The following ALG12 variants were observed in gnomAD, a reference collection of about 807,000 sequenced individuals.
The protein encoded by ALG12 is ALG12 alpha-1,6-mannosyltransferase.
Under a neutral mutation model 46.0 loss-of-function variants are expected in ALG12, and 36 were observed. The observed-to-expected ratio is 0.78, with a 90% CI of 0.60 to 1.03. ALG12 has a LOEUF of 1.03. Among genes scored for constraint, ALG12 ranks in the 50% least tolerant of loss-of-function variants. The pLI is 0.00. For synonymous variants in ALG12, 326 were observed against 291.6 expected, an observed-to-expected ratio of 1.12 and a Z score of -1.20; for missense variants, 599 against 633.5, an observed-to-expected ratio of 0.95 and a Z score of 0.58.
chr22:49,887,381 G>A, the ALG12 span: 8 of 482,844 alleles, frequency 1.7e-5, no homozygotes, highest in Middle Eastern at 5.6e-4. Flanking sequence ...TTATTAAGAC[G>A]TCCACTAGAA....
chr22:49,888,120 CTTAGTG>C, the ALG12 span: 1 of 167,098 alleles, frequency 6.0e-6, no homozygotes, highest in Non-Finnish European at 1.5e-5. Flanking sequence ...TAAGAATAGC[CTTAGTG>C]TTTAGATTTT....
chr22:49,885,264 C>G, the ALG12 span: 1 of 1,599,178 alleles, frequency 6.3e-7, no homozygotes. Flanking sequence ...CAGAAAGTTC[C>G]TCTTCCAAAT....
chr22:49,863,863 A>G, the ALG12 span, among the ~76,000 whole-genome samples: 1 of 152,224 alleles, frequency 6.6e-6, no homozygotes, highest in Non-Finnish European at 1.5e-5. Context: ...TTGGTGAACT[A>G]ATGAATTTAA....
chr22:49,875,705 G>T, the ALG12 span, among the ~76,000 whole-genome samples: 2 of 151,812 alleles, frequency 1.3e-5, no homozygotes, highest in Admixed American at 6.6e-5. Context: ...ACAGGCGTGA[G>T]TCACCCCGCC....
At chr22:49,884,580 C>T in the ALG12 span, 7 of 1,612,240 alleles carry the variant, frequency 4.3e-6, no homozygotes, top group Admixed American at 3.3e-5. Context: ...AAGCTGTCTG[C>T]ATTCACTGCA....
intron 3 of ALG12, among the ~76,000 whole-genome samples, chr22:49,912,504 C>A (rs950937942): frequency 1.3e-5 from 2 of 152,184 alleles, no homozygotes; most frequent in Admixed American, 6.5e-5. Context: ...AGGACATGCA[C>A]GGCTTGTCCA....
At chr22:49,916,453 C>A (rs537331528) in intron 1 of ALG12, among the ~76,000 whole-genome samples, 1 of 151,788 alleles carries the variant, frequency 6.6e-6, no homozygotes, top group Non-Finnish European at 1.5e-5. Context: ...TGGTGGTGTG[C>A]GCCTGTAATC....
At position 49,907,800 on chromosome 22, in the gene ALG12, G is replaced by A; in HGVS notation, c.913C>T (p.Leu305=). The change falls in exon 7 of 10, where the codon CTG becomes TTG. Residue 305 remains leucine (L), a synonymous_variant. Transcript: ENST00000330817. The part of the protein sequence containing the change: ...ALGFMALYSL[L]PHKELRFIIY... Reference sequence around the variant, plus strand: ...ATGAAGCGTAGCTCCTTGTGTGGCAGGAGGGAGTAGAGTGCCATGAAGCCC... The same window carrying A: ...ATGAAGCGTAGCTCCTTGTGTGGCAAGAGGGAGTAGAGTGCCATGAAGCCC... 1 of 1,614,190 alleles carries A rather than the reference G, an allele frequency of 6.2e-7. No individual in the cohort carries two copies. Among genetic ancestry groups the A allele is most frequent in the South Asian group, 1.1e-5 (1 of 91,086 alleles).
chr22:49,895,601 G>A (rs1174643221), downstream of ALG12, among the ~76,000 whole-genome samples: 3 of 151,668 alleles, frequency 2.0e-5, no homozygotes, highest in Non-Finnish European at 4.4e-5. Context: ...GCAGTGAGCT[G>A]AGGTCGCACC....
At chr22:49,904,641 A>C in intron 7 of ALG12, 135 bp from the exon 8 acceptor site, 3 of 1,005,512 alleles carry the variant, frequency 3.0e-6, no homozygotes, top group Non-Finnish European at 4.5e-6. Flanking sequence ...ACCAAATAAA[A>C]CAGAGTCAGT....
chr22:49,914,788 T>G (rs775148899), intron 1 of ALG12, among the ~76,000 whole-genome samples: 3 of 152,226 alleles, frequency 2.0e-5, no homozygotes, highest in Non-Finnish European at 4.4e-5. Context: ...CAAGCTGGAG[T>G]GCAGTGGAGT....
chr22:49,905,717 A>G lies in ALG12; in HGVS notation c.993-1211T>C, dbSNP rs1247662972. ...TTCCCGTACAGCCTGCGGAACCGCG[A>G]GCCAATGAAGCCTCCTCTTTATAAA... On this transcript the variant is annotated intron_variant, in intron 7 of 9. Transcript: ENST00000330817. This position sits in a 1 kb window ranked among gnomAD's most constrained non-coding sequence, Gnocchi z 4.9. Among the ~76,000 whole-genome samples, 7 of 152,214 alleles carry G rather than the reference A, an allele frequency of 4.6e-5. No homozygotes were observed. The highest frequency in any genetic ancestry group is 1.0e-4 in the Non-Finnish European group (7 of 68,022).
chr22:49,871,315 C>T, the ALG12 span, among the ~76,000 whole-genome samples: 36 of 151,990 alleles, frequency 2.4e-4, no homozygotes, highest in African/African-American at 7.2e-4. Context: ...GGTGAAACCC[C>T]GTCACTACTA....
At chr22:49,869,900 T>C in the ALG12 span, among the ~76,000 whole-genome samples, 1 of 152,226 alleles carries the variant, frequency 6.6e-6, no homozygotes, top group Non-Finnish European at 1.5e-5. Context: ...GGGATAAGAA[T>C]GATCGTCGCC....
At chr22:49,867,312 T>C in the ALG12 span, among the ~76,000 whole-genome samples, 1 of 152,216 alleles carries the variant, frequency 6.6e-6, no homozygotes, top group Non-Finnish European at 1.5e-5. Flanking sequence ...TGGGCCAGCA[T>C]GTGGTCTATA....
chr22:49,867,366 G>A, the ALG12 span, among the ~76,000 whole-genome samples: 113 of 152,342 alleles, frequency 7.4e-4, 1 homozygote, highest in African/African-American at 2.4e-3. Flanking sequence ...TGTGCCAGGC[G>A]GCGGTGGGAG....
chr22:49,867,617 A>G, the ALG12 span, among the ~76,000 whole-genome samples: 1 of 152,094 alleles, frequency 6.6e-6, no homozygotes, highest in Admixed American at 6.5e-5. Context: ...CACCCACCTC[A>G]GCAGCTTGGT....
chr22:49,891,205 A>C, the ALG12 span, among the ~76,000 whole-genome samples: 1 of 152,144 alleles, frequency 6.6e-6, no homozygotes, highest in Non-Finnish European at 1.5e-5. Context: ...TCAGGATGGT[A>C]CTGGTAAAGT....
chr22:49,885,599 A>G, the ALG12 span: 1 of 1,608,662 alleles, frequency 6.2e-7, no homozygotes, highest in Non-Finnish European at 8.5e-7. Flanking sequence ...GACACCAATG[A>G]GAAGTTTTAC....
Sources: allele counts gnomAD v4.1 joint callset (sites outside exome capture counted in the v4.1 genomes callset), GRCh38; gene constraint gnomAD v4.1.1; non-coding constraint Gnocchi (gnomAD v3.1); transcripts MANE v1.5; gene names NCBI Gene and HGNC (gene_info 2026-07-23, HGNC 2026-07-21).